The following SNX7 variants were observed in gnomAD, a reference collection of about 807,000 sequenced individuals.
SNX7 encodes sorting nexin 7, also known as sorting nexin-7.
A neutral mutation model predicts 48.4 loss-of-function variants in SNX7; 35 were observed. The ratio of observed to expected loss-of-function variants is 0.72; its 90% CI spans 0.55 to 0.96. SNX7 has a LOEUF of 0.96. Ranked by LOEUF, SNX7 falls within the 40% of genes least tolerant of loss-of-function variation. SNX7 has a pLI of 0.00. For synonymous variants in SNX7, 190 were observed against 190.2 expected (o/e 1.00, Z 0.01); for missense variants, 553 against 548.9 (o/e 1.01, Z -0.07).
intron 1 of SNX7, among the ~76,000 whole-genome samples, chr1:98,664,553 T>C (rs1322319402): frequency 6.6e-6 from 1 of 152,120 alleles, no homozygotes; most frequent in East Asian, 1.9e-4. Context: ...AACAACTTCT[T>C]ATTATTTTTT....
intron 1 of SNX7, among the ~76,000 whole-genome samples, chr1:98,664,251 A>G (rs938571876): frequency 6.6e-6 from 1 of 152,208 alleles, no homozygotes; most frequent in African/African-American, 2.4e-5. Flanking sequence ...CTCTTCCAGA[A>G]GCTTTTTAAA....
intron 1 of SNX7, among the ~76,000 whole-genome samples, chr1:98,680,307 A>G (rs1650410089): frequency 6.6e-6 from 1 of 151,920 alleles, no homozygotes; most frequent in South Asian, 2.1e-4. Context: ...CAGTATGGGG[A>G]CCCTGAGCCC....
chr1:98,712,889 C>T (rs9730649), intron 7 of SNX7, among the ~76,000 whole-genome samples: 8 of 151,956 alleles, frequency 5.3e-5, no homozygotes, highest in Non-Finnish European at 8.8e-5. Flanking sequence ...GTTGGGAGTT[C>T]GAAATGAGCC....
Position 98,726,596 on chromosome 1 carries a change from G to C in SNX7, c.1126-11641G>C, listed in dbSNP as rs1653183269. On this transcript the variant is annotated intron_variant, in intron 7 of 8. Coordinates refer to ENST00000306121, the MANE Select transcript of SNX7 (RefSeq NM_015976.5). ...TTAGTATGTACCTTAATTTCATCAA[G>C]TGAATATTTAGTCCAGTAAGGAATA... Among the ~76,000 whole-genome samples the C allele has an allele frequency of 2.0e-5, 3 of 152,162 alleles. No homozygotes were observed. The South Asian group carries it at 6.2e-4, about 31-fold the overall frequency.
At chr1:98,730,791 A>G (rs1453873086) in intron 7 of SNX7, among the ~76,000 whole-genome samples, 1 of 152,180 alleles carries the variant, frequency 6.6e-6, no homozygotes, top group African/African-American at 2.4e-5. Flanking sequence ...ACTCATAGGT[A>G]GAAAGAATCA....
Position 98,698,734 on chromosome 1 carries a change from C to A in SNX7, c.867C>A (p.Gly289=). The A allele has an allele frequency of 6.2e-7, 1 of 1,612,362 alleles. No individual in the cohort carries two copies. The highest frequency in any genetic ancestry group is 8.5e-7 in the Non-Finnish European group (1 of 1,179,170). ...REYFDEMKEY[G]PIHILWSASE... is the part of the protein sequence containing the mutation. ...ATTTTGATGAAATGAAAGAATATGG[C>A]CCAATTCATATTCTGTGGTCAGCGT... The change falls in exon 6 of 9, where the codon GGC becomes GGA. Residue 289 remains glycine, a synonymous_variant. Coordinates refer to ENST00000306121, the MANE Select transcript of SNX7 (RefSeq NM_015976.5).
At position 98,738,961 on chromosome 1, in the gene SNX7, G is replaced by A. The variant is rs905964996; in HGVS notation, c.1278+572G>A. On this transcript the variant is annotated intron_variant, in intron 8 of 8. Transcript: ENST00000306121. ...AACATCTTTAACCTTATCTCTGGCT[G>A]AATTAATGAATATATGAAATTATTA... is the stretch of plus-strand genomic sequence containing the variant. 2.6e-5 allele frequency among the ~76,000 whole-genome samples: 4 copies of A among 151,678 alleles called. No homozygotes were observed. The East Asian group carries it at 7.7e-4, about 29-fold the overall frequency.
intron 1 of SNX7, among the ~76,000 whole-genome samples, chr1:98,675,957 A>G (rs1308395804): frequency 2.0e-5 from 3 of 152,202 alleles, no homozygotes; most frequent in Non-Finnish European, 2.9e-5. Context: ...GTTGACTCTA[A>G]CAATTTTAAC....
At chr1:98,758,226 A>G (rs1654945710) in intron 8 of SNX7, among the ~76,000 whole-genome samples, 1 of 152,064 alleles carries the variant, frequency 6.6e-6, no homozygotes, top group Non-Finnish European at 1.5e-5. Flanking sequence ...AATTTGAAAA[A>G]TATACTAAAT....
chr1:98,674,272 A>C (rs536511012), intron 1 of SNX7, among the ~76,000 whole-genome samples: 1 of 152,308 alleles, frequency 6.6e-6, no homozygotes, highest in Non-Finnish European at 1.5e-5. Flanking sequence ...AGTACCACAG[A>C]CTGAGTGTCT....
intron 1 of SNX7, among the ~76,000 whole-genome samples, chr1:98,674,751 C>T (rs1025397595): frequency 6.6e-6 from 1 of 152,082 alleles, no homozygotes; most frequent in Non-Finnish European, 1.5e-5. Flanking sequence ...CAATCTAATC[C>T]ATTTATTTCA....
At chr1:98,669,908 G>A (rs1047729481) in intron 1 of SNX7, among the ~76,000 whole-genome samples, 6 of 152,118 alleles carry the variant, frequency 3.9e-5, no homozygotes, top group African/African-American at 1.4e-4. Flanking sequence ...AATCTTGATT[G>A]CTTGTCTGTT....
Position 98,695,698 on chromosome 1 carries a change from A to AT in SNX7, c.823dup (p.Tyr275LeufsTer2). The AT allele has an allele frequency of 6.4e-7, 1 of 1,569,608 alleles. No homozygotes were observed. Among genetic ancestry groups the AT allele is most frequent in the Non-Finnish European group, 8.8e-7 (1 of 1,139,730 alleles). The stretch of plus-strand genomic sequence containing the variant: ...TTTGATAGATAAAATATCTCAGAGA[A>AT]TTTATAAGGAAGAAAGGGGTAAGTA... On this transcript the variant is annotated frameshift_variant, in exon 5 of 9. Coordinates refer to ENST00000306121, the MANE Select transcript of SNX7 (RefSeq NM_015976.5). LOFTEE classifies it high-confidence loss of function.
intron 7 of SNX7, among the ~76,000 whole-genome samples, chr1:98,734,559 T>C (rs1245975368): frequency 6.6e-6 from 1 of 152,134 alleles, no homozygotes; most frequent in African/African-American, 2.4e-5. Flanking sequence ...ACCAAATTTG[T>C]AACATGCTTA....
chr1:98,742,815 G>T (rs899537360), intron 8 of SNX7, among the ~76,000 whole-genome samples: 15 of 151,744 alleles, frequency 9.9e-5, no homozygotes, highest in Non-Finnish European at 2.9e-5. Flanking sequence ...ATGGGTCTTT[G>T]GAATGTGTCA....
intron 1 of SNX7, among the ~76,000 whole-genome samples, chr1:98,672,555 C>A (rs142425878): frequency 4.0e-5 from 6 of 151,378 alleles, no homozygotes; most frequent in Non-Finnish European, 7.4e-5. Context: ...GCATCTTGGA[C>A]CTTTCTGAAT....
intron 7 of SNX7, among the ~76,000 whole-genome samples, chr1:98,708,162 T>A (rs1652107135): frequency 6.6e-6 from 1 of 152,214 alleles, no homozygotes; most frequent in African/African-American, 2.4e-5. Flanking sequence ...TTTTCTACTC[T>A]GCTTCTTTTT....
In SNX7 at chr1:98,662,014, G is replaced by C; in HGVS notation, c.180+103G>C. The C allele has an allele frequency of 3.4e-6, 4 of 1,170,988 alleles. No homozygotes were observed. The South Asian group carries it at 1.3e-4, about 39-fold the overall frequency. The allele number at this position is 1,170,988 out of a possible 1,614,324, so 72.5% of individuals were successfully genotyped here. A position where few individuals can be genotyped will look rare whatever the true frequency, so the allele number is the denominator to read the frequency against. On this transcript the variant is annotated intron_variant, in intron 1 of 8. Transcript: ENST00000306121. ...TCTGGCGCGCTTGCCCTCCCGGGGC[G>C]GTGGCTCTGAGCTGGGGACGAGTGA...
intron 1 of SNX7, chr1:98,662,244 G>A: frequency 5.2e-6 from 1 of 192,358 alleles, no homozygotes; most frequent in Admixed American, 6.0e-5. Flanking sequence ...GGCAGCTCCC[G>A]AACCTGGGAG....
Sources: gnomAD v4.1 joint callset for allele counts (sites outside exome capture counted in the v4.1 genomes callset) on GRCh38, gnomAD v4.1.1 for gene constraint, MANE v1.5 for transcripts, NCBI Gene and HGNC (gene_info 2026-07-23, HGNC 2026-07-21) for gene names.